BAIAP2L2: variants seen among roughly 807,000 people sequenced by gnomAD.
The protein encoded by BAIAP2L2 is BAR/IMD domain-containing adapter protein 2-like 2.
BAIAP2L2 carries 65 observed loss-of-function variants against 60.4 expected under a neutral mutation model. The ratio of observed to expected loss-of-function variants is 1.08; its 90% CI spans 0.88 to 1.32. The LOEUF (loss-of-function observed/expected upper bound fraction) is 1.32, where lower values mean the gene tolerates loss of function less well. Among genes scored for constraint, BAIAP2L2 ranks in the 40% most tolerant of loss-of-function variants. The probability of loss-of-function intolerance (pLI) is 0.00; values close to 1 mark genes in which losing one functional copy is unlikely to be tolerated. For synonymous variants in BAIAP2L2, 344 were observed against 301.7 expected (o/e 1.14, Z -1.45); for missense variants, 836 against 741.2 (o/e 1.13, Z -1.48).
intron 4 of BAIAP2L2, among the ~76,000 whole-genome samples, chr22:38,106,940 A>G (rs1481002689): frequency 6.6e-6 from 1 of 152,124 alleles, no homozygotes; most frequent in East Asian, 1.9e-4. Context: ...CTTGGGAGGG[A>G]TAGGGGCAGG....
chr22:38,098,751 A>C (rs939218576), intron 4 of BAIAP2L2, among the ~76,000 whole-genome samples: 1 of 151,968 alleles, frequency 6.6e-6, no homozygotes, highest in African/African-American at 2.4e-5. Flanking sequence ...TTTTTGTCTT[A>C]TTCTTAGTTT....
intron 1 of BAIAP2L2, among the ~76,000 whole-genome samples, chr22:38,110,129 G>GAC (rs1569234420): frequency 2.7e-5 from 2 of 74,598 alleles, no homozygotes; most frequent in South Asian, 4.3e-4. Flanking sequence ...GGGAGAGAGA[G>GAC]AGAGAGAGAG....
intron 4 of BAIAP2L2, among the ~76,000 whole-genome samples, chr22:38,102,460 C>T (rs2086586367): frequency 6.6e-6 from 1 of 152,128 alleles, no homozygotes; most frequent in South Asian, 2.1e-4. Context: ...TGACTGTGCT[C>T]CTTTTACAAT....
intron 7 of BAIAP2L2, among the ~76,000 whole-genome samples, chr22:38,093,205 G>A (rs763182352): frequency 2.7e-5 from 4 of 150,368 alleles, no homozygotes; most frequent in East Asian, 3.9e-4. Context: ...GCACCCCACC[G>A]GCTCCCTCTC....
intron 7 of BAIAP2L2, chr22:38,093,975 TCGAGTAAA>T: frequency 4.4e-6 from 2 of 456,444 alleles, no homozygotes; most frequent in Non-Finnish European, 8.8e-6. Flanking sequence ...AGTAAATACA[TCGAGTAAA>T]CGAGTAAATA....
In BAIAP2L2 at chr22:38,085,284, G is replaced by T; in HGVS notation, c.*16C>A. On this transcript the variant is annotated 3_prime_UTR_variant, in exon 14 of 14. Coordinates refer to ENST00000381669, the MANE Select transcript of BAIAP2L2 (RefSeq NM_025045.6). The stretch of plus-strand genomic sequence containing the variant: ...CCTGGGCAGGTGCACTGTGGGGTAC[G>T]ACCTCGGACCCCGCCTCAGCGGATG... The T allele has an allele frequency of 1.2e-6, 2 of 1,612,964 alleles. No homozygotes were observed. Among genetic ancestry groups the T allele is most frequent in the South Asian group, 2.2e-5 (2 of 90,962 alleles).
chr22:38,088,677 G>A, intron 10 of BAIAP2L2, 71 bp downstream of exon 10: 2 of 1,452,756 alleles, frequency 1.4e-6, no homozygotes, highest in East Asian at 2.5e-5. Context: ...CAGTCCGGCA[G>A]GTCCCCGGGT....
At chr22:38,102,794 C>T (rs2086592021) in intron 4 of BAIAP2L2, among the ~76,000 whole-genome samples, 1 of 152,020 alleles carries the variant, frequency 6.6e-6, no homozygotes. Context: ...AATCCCAGCA[C>T]TCTGGGAGAC....
At chr22:38,095,167 TACAC>T (rs1906998595) in intron 7 of BAIAP2L2, among the ~76,000 whole-genome samples, 3 of 151,804 alleles carry the variant, frequency 2.0e-5, no homozygotes, top group Non-Finnish European at 4.4e-5. Context: ...AATAAATACA[TACAC>T]ACATAAATAA....
At chr22:38,088,624 G>C (rs1601992398) in intron 10 of BAIAP2L2, 124 bp downstream of exon 10, 4 of 956,680 alleles carry the variant, frequency 4.2e-6, no homozygotes, top group East Asian at 2.8e-5. Context: ...GTCGGGAGGA[G>C]AGGAGCATTG....
chr22:38,099,779 C>A (rs1400143401), intron 4 of BAIAP2L2, among the ~76,000 whole-genome samples: 1 of 152,190 alleles, frequency 6.6e-6, no homozygotes, highest in Non-Finnish European at 1.5e-5. Context: ...GAGGCCCTCC[C>A]GCCTCTGCGC....
intron 6 of BAIAP2L2, 57 bp from the exon 7 acceptor site, chr22:38,097,235 C>A: frequency 6.3e-7 from 1 of 1,587,526 alleles, no homozygotes; most frequent in Non-Finnish European, 8.6e-7. Context: ...TCCCACCCCC[C>A]TCGCCCACAG....
rs781103898 is a variant in BAIAP2L2 at position 38,085,298 on chromosome 22, C to T, written c.*2G>A. On this transcript the variant is annotated 3_prime_UTR_variant, in exon 14 of 14. Coordinates refer to ENST00000381669, the MANE Select transcript of BAIAP2L2 (RefSeq NM_025045.6). ...CTGTGGGGTACGACCTCGGACCCCG[C>T]CTCAGCGGATGAGGGGTGCTGAGCG... 5 of 1,613,800 alleles carry T rather than the reference C, an allele frequency of 3.1e-6. No homozygotes were observed. The highest frequency in any genetic ancestry group is 1.7e-5 in the Admixed American group (1 of 59,998).
Position 38,089,110 on chromosome 22 carries a change from C to T in BAIAP2L2, c.887G>A (p.Arg296His), listed in dbSNP as rs755240215. The T allele has an allele frequency of 1.5e-5, 21 of 1,375,764 alleles. No individual in the cohort carries two copies. The highest frequency in any genetic ancestry group is 1.9e-5 in the Non-Finnish European group (20 of 1,071,012). 85.2% of individuals were successfully genotyped at this position (1,375,764 alleles called of 1,614,324 possible). Residue 296 changes from arginine (R) to histidine (H), a missense_variant, in exon 9 of 14, where the codon CGC (arginine) becomes CAC (histidine). Transcript: ENST00000381669. The part of the protein sequence containing the change: ...QLEPDRRSLP[R>H]TPSASSLYSG... The stretch of plus-strand genomic sequence containing the variant: ...GGGGCACTCACAGGCCGACGGCGTG[C>T]GGGGCAGGGAGCGACGGTCTGGCTC...
chr22:38,103,862 C>CAAAA (rs35813107), intron 4 of BAIAP2L2, among the ~76,000 whole-genome samples: 1 of 109,390 alleles, frequency 9.1e-6, no homozygotes, highest in Non-Finnish European at 1.8e-5. Flanking sequence ...GACTCCATGT[C>CAAAA]AAAAAAAAAA....
Position 38,089,183 on chromosome 22 carries a change from A to C in BAIAP2L2, c.814T>G (p.Ser272Ala), listed in dbSNP as rs573298242. 9.7e-5 allele frequency: 123 copies of C among 1,268,054 alleles called. No homozygotes were observed. In the African/African-American group the frequency reaches 1.8e-3, roughly 19 times the overall value. The allele number at this position is 1,268,054 out of a possible 1,614,324, so 78.6% of individuals were successfully genotyped here. ...TCGGGCTCGGTGCCGTAGGAGCCGGAGCCGTGCCGGCTGCGGGGGGAGCTG... is the reference window on the plus strand; with the variant it reads ...TCGGGCTCGGTGCCGTAGGAGCCGGCGCCGTGCCGGCTGCGGGGGGAGCTG... The part of the protein sequence containing the change: ...EFSSPRSRHG[S>A]GSYGTEPDAR... Residue 272 changes from serine (S) to alanine (A), a missense_variant, in exon 9 of 14, where the codon TCC (serine) becomes GCC (alanine). Transcript: ENST00000381669.
intron 10 of BAIAP2L2, 49 bp downstream of exon 10, chr22:38,088,699 A>C: frequency 1.7e-5 from 25 of 1,488,956 alleles, no homozygotes; most frequent in Non-Finnish European, 1.9e-5. Context: ...CCCGGCCCCC[A>C]GGGCCTTCTT....
intron 11 of BAIAP2L2, 38 bp from the exon 12 acceptor site, chr22:38,086,487 G>C (rs2086077855): frequency 1.4e-6 from 2 of 1,440,826 alleles, no homozygotes; most frequent in African/African-American, 1.4e-5. Context: ...AAAGGGGTTG[G>C]GGCCTGTCCA....
chr22:38,102,263 G>A (rs1479954955), intron 4 of BAIAP2L2, among the ~76,000 whole-genome samples: 1 of 152,152 alleles, frequency 6.6e-6, no homozygotes, highest in African/African-American at 2.4e-5. Flanking sequence ...GGCCCATGTG[G>A]AGGAGAGAAT....
Sources: gnomAD v4.1 joint callset for allele counts (sites outside exome capture counted in the v4.1 genomes callset) on GRCh38, gnomAD v4.1.1 for gene constraint, MANE v1.5 for transcripts, NCBI Gene and HGNC (gene_info 2026-07-23, HGNC 2026-07-21) for gene names.